The following SH3TC1 variants were observed in gnomAD, a reference collection of about 807,000 sequenced individuals.
SH3TC1 encodes SH3 domain and tetratricopeptide repeats 1.
SH3TC1 carries 135 observed loss-of-function variants against 117.3 expected under a neutral mutation model. The ratio of observed to expected loss-of-function variants is 1.15; its 90% CI spans 1.00 to 1.33. SH3TC1 has a LOEUF of 1.33. Among genes scored for constraint, SH3TC1 ranks in the 40% most tolerant of loss-of-function variants. The pLI, the probability that SH3TC1 is intolerant of heterozygous loss-of-function variation, is 0.00. For synonymous variants in SH3TC1, 898 were observed against 816.9 expected (o/e 1.10, Z -1.69); for missense variants, 2,092 against 1,794.3 (o/e 1.17, Z -3.00).
intron 12 of SH3TC1, among the ~76,000 whole-genome samples, chr4:8,229,436 G>A (rs1424129012): frequency 7.9e-6 from 1 of 126,862 alleles, no homozygotes; most frequent in Non-Finnish European, 1.7e-5. Context: ...GGTGTGATGG[G>A]GGTGAGTGAG....
Position 8,214,625 on chromosome 4 carries a change from G to A in SH3TC1, c.481+45G>A, listed in dbSNP as rs751303209. ...AGAATTGGTCATGGGGACGCCCGTCGGAAGGTGCTGGTTACACACCGTGCA... is the reference window on the plus strand; with the variant it reads ...AGAATTGGTCATGGGGACGCCCGTCAGAAGGTGCTGGTTACACACCGTGCA... On this transcript the variant is annotated intron_variant, in intron 5 of 17. Coordinates refer to ENST00000245105, the MANE Select transcript of SH3TC1 (RefSeq NM_018986.5). 4.9e-5 allele frequency: 71 copies of A among 1,449,336 alleles called. 2 individuals carry two copies. The highest frequency in any genetic ancestry group is 1.3e-4 in the South Asian group (11 of 87,462). The allele number at this position is 1,449,336 out of a possible 1,614,324, so 89.8% of individuals were successfully genotyped here.
intron 13 of SH3TC1, chr4:8,232,769 G>A: frequency 7.8e-7 from 1 of 1,289,614 alleles, no homozygotes; most frequent in Non-Finnish European, 1.0e-6. Flanking sequence ...GAAGGAGCCG[G>A]ATTCCACAGG....
Position 8,225,746 on chromosome 4 carries a change from G to A in SH3TC1, c.1285+530G>A, listed in dbSNP as rs1720399138. ...AGGGTCCGCATGGGGAGAGCCTGGG[G>A]ATGTGGACACCCCAAGAGCCCTCGG... is the stretch of plus-strand genomic sequence containing the variant. On this transcript the variant is annotated intron_variant, in intron 11 of 17. Transcript: ENST00000245105. The surrounding 1 kb of genome is among the most constrained non-coding windows in gnomAD (Gnocchi z 5.5). Among the ~76,000 whole-genome samples the A allele has an allele frequency of 6.6e-6, 1 of 152,190 alleles. No homozygotes were observed. Among genetic ancestry groups the A allele is most frequent in the South Asian group, 2.1e-4 (1 of 4,830 alleles).
At chr4:8,218,780 A>G (rs772471415) in intron 8 of SH3TC1, among the ~76,000 whole-genome samples, 2 of 152,240 alleles carry the variant, frequency 1.3e-5, no homozygotes, top group Non-Finnish European at 2.9e-5. Context: ...ACGTGCACTA[A>G]CAGAGGACCG....
chr4:8,197,666 T>C (rs978110824), upstream of SH3TC1, among the ~76,000 whole-genome samples: 1 of 152,220 alleles, frequency 6.6e-6, no homozygotes, highest in Non-Finnish European at 1.5e-5. Context: ...GCCTGGAGGC[T>C]GGGCCCCTAA....
rs1411527152 is a variant in SH3TC1, at chr4:8,214,584, A to G, written c.481+4A>G. 2 of 1,613,124 alleles carry G rather than the reference A, an allele frequency of 1.2e-6. No individual in the cohort carries two copies. Among genetic ancestry groups the G allele is most frequent in the East Asian group, 2.2e-5 (1 of 44,876 alleles). Reference sequence around the variant, plus strand: ...TTTTCCACCTACCATGCTCTCGGTAAAGAGGTGACCCTCCCAGAATTGGTC... The same window carrying G: ...TTTTCCACCTACCATGCTCTCGGTAGAGAGGTGACCCTCCCAGAATTGGTC... On this transcript the variant is annotated splice_donor_region_variant and intron_variant, in intron 5 of 17. Coordinates refer to ENST00000245105, the MANE Select transcript of SH3TC1 (RefSeq NM_018986.5).
At chr4:8,231,132 A>C (rs1421808011) in intron 12 of SH3TC1, 1 of 152,240 alleles carries the variant, frequency 6.6e-6, no homozygotes, top group African/African-American at 2.4e-5. Context: ...AGTTTCCCTG[A>C]TGGTCTCTTC....
Position 8,218,594 on chromosome 4 carries a change from G to A in SH3TC1, c.916+247G>A, listed in dbSNP as rs149301498. ...AGGAAGCTCTGGGGGCTGGTGCAGC[G>A]TCATAGGATGCTCAGTGAAGCTGCA... On this transcript the variant is annotated intron_variant, in intron 8 of 17. Transcript: ENST00000245105. Among the ~76,000 whole-genome samples, 523 of 152,304 alleles carry A rather than the reference G, an allele frequency of 3.4e-3. 5 individuals are homozygous for A. The highest frequency in any genetic ancestry group is 0.012 in the African/African-American group (498 of 41,566).
At position 8,192,824 on chromosome 4, in the gene SH3TC1, T is replaced by G. The variant is rs1717456929; in HGVS notation, c.-57+10614T>G. Among the ~76,000 whole-genome samples, 1 of 152,198 alleles carries G rather than the reference T, an allele frequency of 6.6e-6. No individual in the cohort carries two copies. Among genetic ancestry groups the G allele is most frequent in the Admixed American group, 6.5e-5 (1 of 15,284 alleles). The stretch of plus-strand genomic sequence containing the variant: ...CTTTATTTGTTGCCTTCTCTTCTGC[T>G]CCGAGTTTAGGTTCATGTCGCCACC... On this transcript the variant is annotated intron_variant, in intron 1 of 16. Transcript: ENST00000508641. The surrounding 1 kb of genome is among the most constrained non-coding windows in gnomAD (Gnocchi z 4.1).
rs761530383 is a variant in SH3TC1, at chr4:8,227,659, G to A, written c.1965G>A (p.Ala655=). 1.3e-5 allele frequency: 20 copies of A among 1,528,384 alleles called. No homozygotes were observed. Among genetic ancestry groups the A allele is most frequent in the African/African-American group, 4.2e-5 (3 of 72,222 alleles). The allele number at this position is 1,528,384 out of a possible 1,614,324, so 94.7% of individuals were successfully genotyped here. Residue 655 remains alanine, a synonymous_variant, in exon 12 of 18, where the codon GCG becomes GCA. Coordinates refer to ENST00000245105, the MANE Select transcript of SH3TC1 (RefSeq NM_018986.5). ...TCCTGCAGCTGGCGCTGCGGCGGGC[G>A]GTGGGTGGCCAGAGCCTGCAGGCCG... ...GELLQLALRR[A]VGGQSLQAEA... is the part of the protein sequence containing the mutation.
At chr4:8,197,120 G>T (rs369955516), upstream of SH3TC1, among the ~76,000 whole-genome samples, 1 of 152,164 alleles carries the variant, frequency 6.6e-6, no homozygotes, top group South Asian at 2.1e-4. Flanking sequence ...GCGCTTAAGG[G>T]AGACTGAAGA....
intron 1 of SH3TC1, among the ~76,000 whole-genome samples, chr4:8,191,979 AT>A (rs1717430789): frequency 6.7e-6 from 1 of 149,240 alleles, no homozygotes; most frequent in Non-Finnish European, 1.5e-5. Context: ...TTATTTATTT[AT>A]TTATTTATTT....
Position 8,240,870 on chromosome 4 carries a change from C to G in SH3TC1, c.3926C>G (p.Thr1309Arg). The change falls in exon 18 of 18, where the codon ACA becomes AGA. Residue 1309 changes from threonine to arginine, a missense_variant. Physicochemically the swap from Thr to Arg is moderately conservative, Grantham distance 71. Coordinates refer to ENST00000245105, the MANE Select transcript of SH3TC1 (RefSeq NM_018986.5). ...TACCAGAAGGCCAGGACCTTCGCCA[C>G]AGAGCTCAACGTCCGCAGGGTCAAC... Reference protein sequence around the residue: ...FFYQKARTFATELNVRRVNLP... With the variant: ...FFYQKARTFARELNVRRVNLP... 3 of 1,613,692 alleles carry G rather than the reference C, an allele frequency of 1.9e-6. No homozygotes were observed. Among genetic ancestry groups the G allele is most frequent in the Non-Finnish European group, 2.5e-6 (3 of 1,180,032 alleles).
chr4:8,232,309 G>A, intron 13 of SH3TC1, 153 bp downstream of exon 13: 4 of 1,483,560 alleles, frequency 2.7e-6, no homozygotes, highest in Non-Finnish European at 3.7e-6. Flanking sequence ...TGGGGGGCCT[G>A]GGGTTGTCCC....
intron 17 of SH3TC1, among the ~76,000 whole-genome samples, chr4:8,239,014 C>T (rs1031836408): frequency 3.9e-5 from 6 of 152,134 alleles, no homozygotes; most frequent in Non-Finnish European, 8.8e-5. Context: ...GATCCAGGGC[C>T]CAGAGAGGTG....
Position 8,227,088 on chromosome 4 carries a change from C to T in SH3TC1, c.1394C>T (p.Ser465Phe), listed in dbSNP as rs1720523120. Residue 465 changes from serine (S) to phenylalanine (F), a missense_variant, in exon 12 of 18, where the codon TCC becomes TTC. Physicochemically the swap from Ser to Phe is radical, Grantham distance 155 (BLOSUM62 -2). Coordinates refer to ENST00000245105, the MANE Select transcript of SH3TC1 (RefSeq NM_018986.5). Reference protein sequence around the residue: ...TCPGCPQEPASWGLCAASSDV... With the variant: ...TCPGCPQEPAFWGLCAASSDV... Reference sequence around the variant, plus strand: ...CCAGGCTGCCCCCAGGAGCCAGCGTCCTGGGGTCTCTGTGCGGCATCCAGC... The same window carrying T: ...CCAGGCTGCCCCCAGGAGCCAGCGTTCTGGGGTCTCTGTGCGGCATCCAGC... 1 of 1,612,252 alleles carries T rather than the reference C, an allele frequency of 6.2e-7. No individual in the cohort carries two copies. The highest frequency in any genetic ancestry group is 1.7e-5 in the Admixed American group (1 of 59,828).
upstream of SH3TC1, among the ~76,000 whole-genome samples, chr4:8,199,047 C>T (rs1717664536): frequency 6.6e-6 from 1 of 152,210 alleles, no homozygotes; most frequent in African/African-American, 2.4e-5. Flanking sequence ...CCCAGCCTGG[C>T]GGGGGACTGG....
At chr4:8,237,742 G>T in intron 17 of SH3TC1, 72 bp downstream of exon 17, 1 of 1,470,226 alleles carries the variant, frequency 6.8e-7, no homozygotes. Flanking sequence ...AGACCCCTGA[G>T]GCATGTGTTC....
At chr4:8,223,100 G>A (rs541868475) in intron 10 of SH3TC1, 130 bp downstream of exon 10, 12 of 1,303,258 alleles carry the variant, frequency 9.2e-6, no homozygotes, top group African/African-American at 5.9e-5. Context: ...AGAGGCTGCC[G>A]CTGCCTCCAG....
Sources: gnomAD v4.1 joint callset for allele counts (sites outside exome capture counted in the v4.1 genomes callset) on GRCh38, gnomAD v4.1.1 for gene constraint, Gnocchi (gnomAD v3.1) non-coding constraint, MANE v1.5 for transcripts, NCBI Gene and HGNC (gene_info 2026-07-23, HGNC 2026-07-21) for gene names.